The following SUSD1 variants were observed in gnomAD, a reference collection of about 807,000 sequenced individuals.
SUSD1 encodes the protein sushi domain containing 1, also known as sushi domain-containing protein 1.
SUSD1 carries 65 observed loss-of-function variants against 86.9 expected under a neutral mutation model. That is an observed-to-expected ratio of 0.75 (90% confidence interval 0.61 to 0.92). The LOEUF (loss-of-function observed/expected upper bound fraction) is 0.92, where lower values mean the gene tolerates loss of function less well. Among genes scored for constraint, SUSD1 ranks in the 40% least tolerant of loss-of-function variants. SUSD1 has a pLI of 0.00. For synonymous variants in SUSD1, 346 were observed against 350.0 expected (o/e 0.99, Z 0.13); for missense variants, 850 against 929.7 (o/e 0.91, Z 1.11).
Position 112,143,593 on chromosome 9 carries a change from C to T in SUSD1, c.404G>A (p.Cys135Tyr). ...DIDECEVSGL[C>Y]RHGGRCVNTH... ...GTTCACGCATCGCCCTCCATGCCTG[C>T]ACAGGCCAGAAACTTCACACTCATC... Residue 135 changes from cysteine to tyrosine, a missense_variant, in exon 4 of 17, where the codon TGC (cysteine) becomes TAC (tyrosine). Coordinates refer to ENST00000374270, the MANE Select transcript of SUSD1 (RefSeq NM_022486.5). 5.6e-6 allele frequency: 9 copies of T among 1,613,596 alleles called. No individual in the cohort carries two copies. The highest frequency in any genetic ancestry group is 7.6e-6 in the Non-Finnish European group (9 of 1,179,898).
At chr9:112,102,336 T>C in intron 8 of SUSD1, 51 bp from the exon 9 acceptor site, 1 of 952,306 alleles carries the variant, frequency 1.1e-6, no homozygotes, top group Non-Finnish European at 1.6e-6. Flanking sequence ...CTTAGCAAAA[T>C]GCATCATGGC....
At chr9:112,123,566 T>G (rs770276255) in intron 6 of SUSD1, among the ~76,000 whole-genome samples, 11 of 152,056 alleles carry the variant, frequency 7.2e-5, no homozygotes, top group Non-Finnish European at 1.2e-4. Context: ...TTAGGAGGCC[T>G]AGGCAGGCAG....
chr9:112,151,807 G>T (rs1451941262), intron 2 of SUSD1, among the ~76,000 whole-genome samples: 2 of 151,938 alleles, frequency 1.3e-5, no homozygotes, highest in African/African-American at 4.8e-5. Flanking sequence ...GGAGGCTGAG[G>T]TGGGCGGATC....
intron 4 of SUSD1, 36 bp downstream of exon 4, chr9:112,143,435 C>G: frequency 6.2e-7 from 1 of 1,606,320 alleles, no homozygotes; most frequent in Non-Finnish European, 8.5e-7. Context: ...AACAGAATTT[C>G]ACGTTGAGAT....
chr9:112,107,095 T>C (rs1156881040), intron 8 of SUSD1, among the ~76,000 whole-genome samples: 2 of 151,282 alleles, frequency 1.3e-5, no homozygotes, highest in Non-Finnish European at 2.9e-5. Flanking sequence ...TGAGACCTTG[T>C]CTTTACAAAA....
intron 11 of SUSD1, 23 bp downstream of exon 11, chr9:112,080,051 T>C (rs751950178): frequency 2.1e-5 from 32 of 1,545,082 alleles, no homozygotes; most frequent in Non-Finnish European, 2.9e-5. Flanking sequence ...CATCTATAAA[T>C]ACAGTAACTT....
chr9:112,145,573 C>T (rs911821692), intron 3 of SUSD1, among the ~76,000 whole-genome samples: 1 of 152,182 alleles, frequency 6.6e-6, no homozygotes, highest in Non-Finnish European at 1.5e-5. Context: ...AGCCAATGCA[C>T]CTGGCTATAA....
chr9:112,078,193 A>G (rs528177473), intron 12 of SUSD1, among the ~76,000 whole-genome samples: 1 of 152,266 alleles, frequency 6.6e-6, no homozygotes, highest in African/African-American at 2.4e-5. Flanking sequence ...AAAAATACAG[A>G]AATTAGCCAG....
At chr9:112,058,750 AT>A in intron 13 of SUSD1, 64 bp from the exon 14 acceptor site, 1 of 1,571,042 alleles carries the variant, frequency 6.4e-7, no homozygotes, top group Non-Finnish European at 8.6e-7. Flanking sequence ...ATTCATTCAT[AT>A]TTATTGAGCA....
chr9:112,140,566 GA>G (rs1832522033), intron 5 of SUSD1, among the ~76,000 whole-genome samples: 1 of 151,496 alleles, frequency 6.6e-6, no homozygotes, highest in African/African-American at 2.4e-5. Context: ...AAAGGAAAAA[GA>G]AACAGAAAGC....
In SUSD1 at chr9:112,143,535, A is replaced by G; in HGVS notation, c.462T>C (p.Asp154=). The change falls in exon 4 of 17, where the codon GAT becomes GAC. Residue 154 remains aspartate, a synonymous_variant. Coordinates refer to ENST00000374270, the MANE Select transcript of SUSD1 (RefSeq NM_022486.5). ...CAGGTCCATTCCTTGGCAAGTATCC[A>G]TCCATACAGTAGCATTCAAAGCTCC... ...THGSFECYCM[D]GYLPRNGPEP... is the part of the protein sequence containing the mutation. 3 of 1,614,160 alleles carry G rather than the reference A, an allele frequency of 1.9e-6. No homozygotes were observed. Among genetic ancestry groups the G allele is most frequent in the Non-Finnish European group, 2.5e-6 (3 of 1,180,018 alleles).
chr9:112,069,290 C>T (rs1449098510), intron 12 of SUSD1, among the ~76,000 whole-genome samples: 1 of 152,146 alleles, frequency 6.6e-6, no homozygotes, highest in Non-Finnish European at 1.5e-5. Flanking sequence ...TTTCCTAAAC[C>T]TGCGGCATTG....
rs1830668239 is a variant in SUSD1, at chr9:112,102,370, C to T, written c.1172-85G>A. The T allele has an allele frequency of 5.1e-6, 3 of 590,158 alleles. No individual in the cohort carries two copies. The African/African-American group carries it at 5.8e-5, about 11-fold the overall frequency. The allele number at this position is 590,158 out of a possible 1,614,324, so 36.6% of individuals were successfully genotyped here. A position where few individuals can be genotyped will look rare whatever the true frequency, so the allele number is the denominator to read the frequency against. ...GCTGAGTACAAGTGAAACTCTGACA[C>T]CTTAAGAGAGCCAATTGGGTGTTTA... On this transcript the variant is annotated intron_variant, in intron 8 of 16. Transcript: ENST00000374270.
chr9:112,100,255 T>C (rs920168441), intron 9 of SUSD1, among the ~76,000 whole-genome samples: 4 of 152,146 alleles, frequency 2.6e-5, no homozygotes, highest in East Asian at 3.9e-4. Flanking sequence ...GGTGCGATCT[T>C]GGCTCACTGC....
At chr9:112,047,185 C>A (rs556689578) in intron 15 of SUSD1, among the ~76,000 whole-genome samples, 2 of 152,152 alleles carry the variant, frequency 1.3e-5, no homozygotes, top group African/African-American at 4.8e-5. Context: ...GGGAAGCAGG[C>A]ACAGTCTTCA....
intron 15 of SUSD1, chr9:112,042,186 C>T: frequency 2.0e-6 from 3 of 1,535,750 alleles, no homozygotes; most frequent in Non-Finnish European, 1.7e-6. Flanking sequence ...AGTGTAAAGC[C>T]AGACCATGTT....
At chr9:112,155,850 G>A (rs1589738969) in intron 2 of SUSD1, among the ~76,000 whole-genome samples, 1 of 149,468 alleles carries the variant, frequency 6.7e-6, no homozygotes, top group East Asian at 2.0e-4. Context: ...AAGAAGAAGA[G>A]GAAGAAGAAT....
intron 10 of SUSD1, among the ~76,000 whole-genome samples, chr9:112,096,596 G>A (rs952018025): frequency 3.3e-5 from 5 of 152,088 alleles, no homozygotes; most frequent in Non-Finnish European, 7.4e-5. Context: ...CTGAAGTGCA[G>A]TGGCGCAATC....
chr9:112,125,511 C>A, intron 5 of SUSD1, among the ~76,000 whole-genome samples: 1 of 149,788 alleles, frequency 6.7e-6, no homozygotes. Flanking sequence ...CAAGTGTCAC[C>A]AATAGTCCCA....
Sources: gnomAD v4.1 joint callset for allele counts (sites outside exome capture counted in the v4.1 genomes callset) on GRCh38, gnomAD v4.1.1 for gene constraint, MANE v1.5 for transcripts, NCBI Gene and HGNC (gene_info 2026-07-23, HGNC 2026-07-21) for gene names.